PABPC4L: variants seen among roughly 807,000 people sequenced by gnomAD.
PABPC4L encodes the protein poly(A) binding protein cytoplasmic 4 like.
For synonymous variants in PABPC4L, 169 were observed against 164.1 expected (o/e 1.03, Z -0.23); for missense variants, 452 against 451.4 (o/e 1.00, Z -0.01).
At chr4:134,164,125 T>C in the PABPC4L span, among the ~76,000 whole-genome samples, 1 of 149,048 alleles carries the variant, frequency 6.7e-6, no homozygotes, top group Non-Finnish European at 1.5e-5. Flanking sequence ...TAGCCGGGCG[T>C]AGTGGCGGGC....
the PABPC4L span, among the ~76,000 whole-genome samples, chr4:134,140,683 T>C: frequency 6.6e-6 from 1 of 151,874 alleles, no homozygotes; most frequent in South Asian, 2.1e-4. Context: ...TTTCAAACCC[T>C]GATCTACGTT....
At chr4:134,168,669 A>C in the PABPC4L span, among the ~76,000 whole-genome samples, 1 of 151,992 alleles carries the variant, frequency 6.6e-6, no homozygotes, top group Non-Finnish European at 1.5e-5. Flanking sequence ...AAAAACTTAG[A>C]AGAAATGTGT....
chr4:134,034,706 C>G, the PABPC4L span, among the ~76,000 whole-genome samples: 1 of 151,762 alleles, frequency 6.6e-6, no homozygotes, highest in East Asian at 1.9e-4. Flanking sequence ...AGAGGTGGAG[C>G]CTGAAGATGT....
At chr4:134,095,842 C>T in the PABPC4L span, among the ~76,000 whole-genome samples, 1 of 152,072 alleles carries the variant, frequency 6.6e-6, no homozygotes, top group African/African-American at 2.4e-5. Context: ...CCTTGGCCAG[C>T]TCTCAAACTT....
At chr4:134,181,197 G>C in the PABPC4L span, among the ~76,000 whole-genome samples, 6 of 152,192 alleles carry the variant, frequency 3.9e-5, no homozygotes, top group Non-Finnish European at 4.4e-5. Context: ...TTATCCCAGT[G>C]ATGCAAAGTT....
At chr4:134,008,842 T>C in the PABPC4L span, among the ~76,000 whole-genome samples, 2 of 151,928 alleles carry the variant, frequency 1.3e-5, no homozygotes, top group Non-Finnish European at 1.5e-5. Flanking sequence ...CAATGTTACA[T>C]ATAAAGTGAA....
At chr4:134,027,531 A>T in the PABPC4L span, among the ~76,000 whole-genome samples, 1 of 152,194 alleles carries the variant, frequency 6.6e-6, no homozygotes, top group Non-Finnish European at 1.5e-5. Context: ...ATAGTGCTAC[A>T]ATAAATATGA....
At chr4:134,191,825 T>C (rs1008511104), downstream of PABPC4L, among the ~76,000 whole-genome samples, 1 of 149,820 alleles carries the variant, frequency 6.7e-6, no homozygotes, top group African/African-American at 2.5e-5. Context: ...AAAATACACA[T>C]AAAAAAGGAC....
At chr4:134,044,118 C>T in the PABPC4L span, among the ~76,000 whole-genome samples, 1 of 151,760 alleles carries the variant, frequency 6.6e-6, no homozygotes, top group Non-Finnish European at 1.5e-5. Flanking sequence ...TTTGTAGAGA[C>T]AGGGGTTTCC....
the PABPC4L span, among the ~76,000 whole-genome samples, chr4:134,089,281 T>C: frequency 6.6e-6 from 1 of 152,236 alleles, no homozygotes; most frequent in Admixed American, 6.5e-5. Context: ...AAAGCAATAT[T>C]GAACAGAAGT....
At chr4:134,008,778 A>C in the PABPC4L span, among the ~76,000 whole-genome samples, 10 of 151,798 alleles carry the variant, frequency 6.6e-5, no homozygotes, top group Non-Finnish European at 1.0e-4. Flanking sequence ...CTGAAGACAT[A>C]ATATGTAGGA....
chr4:134,161,788 T>G, the PABPC4L span, among the ~76,000 whole-genome samples: 1 of 152,074 alleles, frequency 6.6e-6, no homozygotes. Context: ...GCACTGTAGC[T>G]GCAGTAAGTA....
chr4:134,109,561 A>G, the PABPC4L span, among the ~76,000 whole-genome samples: 2 of 151,988 alleles, frequency 1.3e-5, 1 homozygote, highest in Non-Finnish European at 2.9e-5. Flanking sequence ...GGTAGTATTT[A>G]TAAGAGAACA....
chr4:133,964,695 A>T, the PABPC4L span, among the ~76,000 whole-genome samples: 46 of 152,150 alleles, frequency 3.0e-4, no homozygotes, highest in Admixed American at 3.0e-3. Context: ...TATACCACAT[A>T]AACAGAATTA....
At chr4:133,972,765 G>T in the PABPC4L span, among the ~76,000 whole-genome samples, 1 of 152,126 alleles carries the variant, frequency 6.6e-6, no homozygotes, top group Admixed American at 6.5e-5. Context: ...CCATGAGAGA[G>T]CCTAGAGGAG....
At chr4:133,958,144 A>C in the PABPC4L span, among the ~76,000 whole-genome samples, 1 of 152,202 alleles carries the variant, frequency 6.6e-6, no homozygotes, top group Non-Finnish European at 1.5e-5. Context: ...AGATTTTCCA[A>C]ACTTTAATGC....
At chr4:134,139,013 T>C in the PABPC4L span, among the ~76,000 whole-genome samples, 2 of 151,874 alleles carry the variant, frequency 1.3e-5, no homozygotes, top group Non-Finnish European at 2.9e-5. Context: ...GCCTATTTCA[T>C]TTACAATATC....
the PABPC4L span, among the ~76,000 whole-genome samples, chr4:134,105,251 A>G: frequency 6.6e-6 from 1 of 151,724 alleles, no homozygotes; most frequent in Non-Finnish European, 1.5e-5. Flanking sequence ...AGTGACGTAC[A>G]CACTTCAATT....
the PABPC4L span, among the ~76,000 whole-genome samples, chr4:134,173,477 T>C: frequency 1.3e-5 from 2 of 152,058 alleles, no homozygotes; most frequent in Non-Finnish European, 2.9e-5. Context: ...AAATATCACA[T>C]GTTCTCACTC....
Sources: gnomAD v4.1 joint callset for allele counts (sites outside exome capture counted in the v4.1 genomes callset) on GRCh38, gnomAD v4.1.1 for gene constraint, MANE v1.5 for transcripts, NCBI Gene and HGNC (gene_info 2026-07-23, HGNC 2026-07-21) for gene names.